LARP4B: variants seen among roughly 807,000 people sequenced by gnomAD.
LARP4B encodes the protein La ribonucleoprotein 4B, also known as la-related protein 4B.
A neutral mutation model predicts 89.8 loss-of-function variants in LARP4B; 12 were observed. The observed-to-expected ratio is 0.13, with a 90% CI of 0.09 to 0.22. The LOEUF (loss-of-function observed/expected upper bound fraction) is 0.22. Among genes scored for constraint, LARP4B ranks in the 10% least tolerant of loss-of-function variants. The probability of loss-of-function intolerance (pLI) is 1.00; values close to 1 mark genes in which losing one functional copy is unlikely to be tolerated. For missense variants in LARP4B, 757 were observed against 947.7 expected, an observed-to-expected ratio of 0.80 and a Z score of 2.64; for synonymous variants, 367 against 363.3, an observed-to-expected ratio of 1.01 and a Z score of -0.12.
At chr10:891,321 T>C (rs941896991) in intron 1 of LARP4B, among the ~76,000 whole-genome samples, 1 of 152,168 alleles carries the variant, frequency 6.6e-6, no homozygotes, top group African/African-American at 2.4e-5. Flanking sequence ...AGTCAGACTA[T>C]GGCTTTACTT....
In LARP4B at chr10:812,782, C is replaced by G. The variant is rs1284978377; in HGVS notation, c.*144G>C. 1.3e-5 allele frequency: 8 copies of G among 617,018 alleles called. No homozygotes were observed. The highest frequency in any genetic ancestry group is 1.9e-5 in the African/African-American group (1 of 53,242). The allele number at this position is 617,018 out of a possible 1,614,324, so 38.2% of individuals were successfully genotyped here. On this transcript the variant is annotated 3_prime_UTR_variant, in exon 18 of 18. Coordinates refer to ENST00000316157, the MANE Select transcript of LARP4B (RefSeq NM_015155.3). ...TTTTTTCAAGAGGGGGAGAATCCAACTCACAGAAGAAAACCAACTTGAGGA... is the reference window on the plus strand; with the variant it reads ...TTTTTTCAAGAGGGGGAGAATCCAAGTCACAGAAGAAAACCAACTTGAGGA...
chr10:909,167 A>G (rs1015159160), intron 1 of LARP4B, among the ~76,000 whole-genome samples: 4 of 151,822 alleles, frequency 2.6e-5, no homozygotes, highest in South Asian at 4.2e-4. Context: ...GGTGGTGGGC[A>G]CTTGTAGTCC....
rs762429572 is a variant in LARP4B, at chr10:864,127, C to A, written c.285G>T (p.Pro95=). Residue 95 remains proline, a synonymous_variant, in exon 4 of 18, where the codon CCG becomes CCT. Transcript: ENST00000316157. ...CCACGGCCATGCTCAACTTACCCTG[C>A]GGGCCACGGTCTGCGTGGTGGCCAG... is the stretch of plus-strand genomic sequence containing the variant. ...EVAGHHADRG[P]QGSDANGDGD... is the part of the protein sequence containing the mutation. The A allele has an allele frequency of 4.3e-6, 7 of 1,614,136 alleles. No individual in the cohort carries two copies. The highest frequency in any genetic ancestry group is 3.3e-4 in the Middle Eastern group (2 of 6,062).
chr10:860,690 CA>C (rs1834554007), intron 5 of LARP4B, among the ~76,000 whole-genome samples: 1 of 152,152 alleles, frequency 6.6e-6, no homozygotes, highest in Non-Finnish European at 1.5e-5. Context: ...GAATCAGTCT[CA>C]AAAATAGTAA....
At chr10:826,646 C>A (rs1266682031) in intron 11 of LARP4B, among the ~76,000 whole-genome samples, 1 of 152,214 alleles carries the variant, frequency 6.6e-6, no homozygotes, top group African/African-American at 2.4e-5. Context: ...AATTCTCTGG[C>A]TTCTGGACCC....
intron 5 of LARP4B, among the ~76,000 whole-genome samples, chr10:849,492 T>C (rs1358378933): frequency 6.6e-6 from 1 of 152,232 alleles, no homozygotes; most frequent in African/African-American, 2.4e-5. Context: ...CACACTGCTA[T>C]AAAGAGTTGA....
chr10:873,674 TA>T (rs1422216288), intron 3 of LARP4B, among the ~76,000 whole-genome samples: 1 of 151,820 alleles, frequency 6.6e-6, no homozygotes, highest in East Asian at 1.9e-4. Context: ...AATAGCAATT[TA>T]AAAAGAGACG....
chr10:849,659 GA>G (rs1471999933), intron 5 of LARP4B, among the ~76,000 whole-genome samples: 1 of 152,186 alleles, frequency 6.6e-6, no homozygotes, highest in Non-Finnish European at 1.5e-5. Context: ...GTACAACATG[GA>G]AATGGGGAGG....
At chr10:819,227 A>G (rs1832216503) in intron 14 of LARP4B, 1 of 152,266 alleles carries the variant, frequency 6.6e-6, no homozygotes, top group Admixed American at 6.5e-5. Context: ...GAAGATAAGC[A>G]TTATTAGAGA....
chr10:889,720 C>T (rs538768691), intron 1 of LARP4B, among the ~76,000 whole-genome samples: 2 of 152,250 alleles, frequency 1.3e-5, no homozygotes, highest in African/African-American at 4.8e-5. Context: ...GAGGCTGAGG[C>T]GGGCGGATCA....
At chr10:865,635 C>A (rs558872014) in intron 3 of LARP4B, among the ~76,000 whole-genome samples, 2 of 152,164 alleles carry the variant, frequency 1.3e-5, no homozygotes, top group Non-Finnish European at 2.9e-5. Flanking sequence ...AAAAGTCCCC[C>A]ACCATGTGGA....
chr10:973,694 C>T, the LARP4B span, among the ~76,000 whole-genome samples: 1 of 152,180 alleles, frequency 6.6e-6, no homozygotes, highest in Admixed American at 6.5e-5. Context: ...GCCACAGCCA[C>T]ACTGGTTCCC....
At position 814,553 on chromosome 10, in the gene LARP4B, A is replaced by G. The variant is rs1831921718; in HGVS notation, c.1929+189T>C. 3.1e-6 allele frequency: 4 copies of G among 1,290,652 alleles called. No individual in the cohort carries two copies. The East Asian group carries it at 1.0e-4, about 34-fold the overall frequency. The allele number at this position is 1,290,652 out of a possible 1,614,324, so 79.9% of individuals were successfully genotyped here. On this transcript the variant is annotated intron_variant, in intron 17 of 17. Coordinates refer to ENST00000316157, the MANE Select transcript of LARP4B (RefSeq NM_015155.3). This position sits in a 1 kb window ranked among gnomAD's most constrained non-coding sequence, Gnocchi z 4.4. ...ACATGGTGGTCTGAGAAAGAACTAG[A>G]GTAGTTAGTGGAAAATTATTAGCAA... is the stretch of plus-strand genomic sequence containing the variant.
chr10:974,774 A>C, the LARP4B span, among the ~76,000 whole-genome samples: 6 of 152,366 alleles, frequency 3.9e-5, no homozygotes, highest in Admixed American at 2.0e-4. Context: ...TACAGACCTC[A>C]AGGGTGCTGT....
the LARP4B span, among the ~76,000 whole-genome samples, chr10:947,918 CG>C: frequency 3.9e-5 from 6 of 152,106 alleles, no homozygotes; most frequent in Non-Finnish European, 8.8e-5. Flanking sequence ...CCACTGCACC[CG>C]GCCAATGAAA....
chr10:928,055 A>G (rs1337342879), intron 1 of LARP4B, among the ~76,000 whole-genome samples: 3 of 142,464 alleles, frequency 2.1e-5, no homozygotes, highest in Admixed American at 1.4e-4. Flanking sequence ...TCTACTAAAA[A>G]TACAAAAAAA....
the LARP4B span, among the ~76,000 whole-genome samples, chr10:948,238 T>G: frequency 1.3e-5 from 2 of 152,220 alleles, no homozygotes; most frequent in Non-Finnish European, 2.9e-5. Context: ...TTGAGATAAT[T>G]GTAGCTTCAT....
intron 1 of LARP4B, among the ~76,000 whole-genome samples, chr10:894,045 A>C (rs1588970320): frequency 6.6e-6 from 1 of 152,306 alleles, no homozygotes; most frequent in African/African-American, 2.4e-5. Flanking sequence ...GAAAAATCAA[A>C]ATATCCCAAT....
chr10:969,445 A>G, the LARP4B span, among the ~76,000 whole-genome samples: 1 of 152,140 alleles, frequency 6.6e-6, no homozygotes, highest in Non-Finnish European at 1.5e-5. Context: ...AATTAGGAGA[A>G]AAGGCTCGGC....
Sources: gnomAD v4.1 joint callset for allele counts (sites outside exome capture counted in the v4.1 genomes callset) on GRCh38, gnomAD v4.1.1 for gene constraint, Gnocchi (gnomAD v3.1) non-coding constraint, MANE v1.5 for transcripts, NCBI Gene and HGNC (gene_info 2026-07-23, HGNC 2026-07-21) for gene names.